The following EIF3H variants were observed in gnomAD, a reference collection of about 807,000 sequenced individuals.
The protein encoded by EIF3H is eukaryotic translation initiation factor 3 subunit H.
A neutral mutation model predicts 44.2 loss-of-function variants in EIF3H; 26 were observed. The observed-to-expected ratio is 0.59, with a 90% CI of 0.43 to 0.82. EIF3H has a LOEUF of 0.82. Ranked by LOEUF, EIF3H falls within the 40% of genes least tolerant of loss-of-function variation. EIF3H has a pLI of 0.00. For synonymous variants in EIF3H, 166 were observed against 151.9 expected (o/e 1.09, Z -0.68); for missense variants, 359 against 432.8 (o/e 0.83, Z 1.51).
chr8:116,702,534 T>C (rs1329591027), intron 2 of EIF3H, among the ~76,000 whole-genome samples: 2 of 152,196 alleles, frequency 1.3e-5, no homozygotes, highest in Non-Finnish European at 2.9e-5. Flanking sequence ...AAGCTTCACA[T>C]ACTCCCTGAA....
chr8:116,738,047 A>T (rs1216425984), intron 1 of EIF3H, among the ~76,000 whole-genome samples: 1 of 152,030 alleles, frequency 6.6e-6, no homozygotes, highest in East Asian at 1.9e-4. Flanking sequence ...AAAAAAAAAA[A>T]AAAAAAGAAT....
chr8:116,756,066 G>T, upstream of EIF3H: 1 of 1,431,854 alleles, frequency 7.0e-7, no homozygotes, highest in Non-Finnish European at 9.5e-7. Context: ...TCACCACTAG[G>T]CAAACCGTCA....
intron 7 of EIF3H, among the ~76,000 whole-genome samples, chr8:116,645,534 G>C (rs1195879706): frequency 6.6e-6 from 1 of 152,200 alleles, no homozygotes; most frequent in African/African-American, 2.4e-5. Context: ...TGTGCTTTGG[G>C]AACGTTAAGG....
At chr8:116,675,099 T>G (rs556088236) in intron 2 of EIF3H, among the ~76,000 whole-genome samples, 1 of 137,006 alleles carries the variant, frequency 7.3e-6, no homozygotes, top group Non-Finnish European at 1.5e-5. Flanking sequence ...CTTTATTGAT[T>G]TATAAAAAAA....
At chr8:116,753,890 G>C (rs1265740092) in intron 1 of EIF3H, among the ~76,000 whole-genome samples, 1 of 152,208 alleles carries the variant, frequency 6.6e-6, no homozygotes, top group Non-Finnish European at 1.5e-5. Context: ...GTGATTCAAA[G>C]AGTGCTGTTG....
At chr8:116,756,928 G>T (rs181800036), upstream of EIF3H, among the ~76,000 whole-genome samples, 4 of 152,264 alleles carry the variant, frequency 2.6e-5, no homozygotes, top group Admixed American at 1.3e-4. Flanking sequence ...AGAAAATCTC[G>T]CATGGAAGAA....
At position 116,706,659 on chromosome 8, in the gene EIF3H, C is replaced by T. The variant is rs573972167; in HGVS notation, c.289+19357G>A. 6.6e-5 allele frequency among the ~76,000 whole-genome samples: 10 copies of T among 152,256 alleles called. No homozygotes were observed. In the East Asian group the frequency reaches 1.9e-3, roughly 29 times the overall value. ...AAGAGATTCTTGTGCCTCAGCCTCACGAGTAGCTGAGACTACAGGCGAATG... is the reference window on the plus strand; with the variant it reads ...AAGAGATTCTTGTGCCTCAGCCTCATGAGTAGCTGAGACTACAGGCGAATG... On this transcript the variant is annotated intron_variant, in intron 2 of 7. Coordinates refer to ENST00000521861, the MANE Select transcript of EIF3H (RefSeq NM_003756.3).
intron 1 of EIF3H, among the ~76,000 whole-genome samples, chr8:116,764,037 T>C (rs1815544143): frequency 6.6e-6 from 1 of 152,090 alleles, no homozygotes; most frequent in South Asian, 2.1e-4. Context: ...AACAGCATAA[T>C]ATTATAAAAC....
At chr8:116,719,804 G>A (rs370768294) in intron 2 of EIF3H, among the ~76,000 whole-genome samples, 30 of 152,000 alleles carry the variant, frequency 2.0e-4, no homozygotes, top group Admixed American at 6.6e-4. Context: ...TGACAATTCC[G>A]ATTAATTTCT....
intron 2 of EIF3H, among the ~76,000 whole-genome samples, chr8:116,660,387 T>C (rs1813566114): frequency 6.6e-6 from 1 of 152,180 alleles, no homozygotes; most frequent in Non-Finnish European, 1.5e-5. Flanking sequence ...AAAAGAGTGT[T>C]CCTCAGATGG....
At chr8:116,724,330 A>G (rs1348086378) in intron 2 of EIF3H, among the ~76,000 whole-genome samples, 5 of 152,186 alleles carry the variant, frequency 3.3e-5, no homozygotes, top group Admixed American at 6.5e-5. Flanking sequence ...AGACCTAAAC[A>G]TAAGACCTGA....
chr8:116,643,888 G>A lies in EIF3H; in HGVS notation c.*1118C>T, dbSNP rs1041442896. Reference sequence around the variant, plus strand: ...CACTGATTTTGGTGATGCACAAACAGCAAAATCTGTGATTATCTTTAAAAT... The same window carrying A: ...CACTGATTTTGGTGATGCACAAACAACAAAATCTGTGATTATCTTTAAAAT... On this transcript the variant is annotated 3_prime_UTR_variant, in exon 8 of 8. Coordinates refer to ENST00000521861, the MANE Select transcript of EIF3H (RefSeq NM_003756.3). 1 of 152,164 alleles carries A rather than the reference G, an allele frequency of 6.6e-6. No individual in the cohort carries two copies. The highest frequency in any genetic ancestry group is 1.5e-5 in the Non-Finnish European group (1 of 68,024). The allele number at this position is 152,164 out of a possible 1,614,324, so 9.4% of individuals were successfully genotyped here. A position where few individuals can be genotyped will look rare whatever the true frequency, so the allele number is the denominator to read the frequency against.
At chr8:116,673,941 G>A (rs1813799308) in intron 2 of EIF3H, among the ~76,000 whole-genome samples, 1 of 151,522 alleles carries the variant, frequency 6.6e-6, no homozygotes, top group Non-Finnish European at 1.5e-5. Flanking sequence ...GTGGTGGTGG[G>A]CGCCTGTAGT....
intron 2 of EIF3H, among the ~76,000 whole-genome samples, chr8:116,668,046 C>T (rs1314413414): frequency 6.6e-6 from 1 of 152,214 alleles, no homozygotes; most frequent in Non-Finnish European, 1.5e-5. Context: ...AACTCTACTA[C>T]TTCCATATTT....
At chr8:116,729,025 GAACA>G (rs1181695785) in intron 1 of EIF3H, among the ~76,000 whole-genome samples, 2 of 152,106 alleles carry the variant, frequency 1.3e-5, no homozygotes, top group African/African-American at 4.8e-5. Context: ...TTAAAAAATA[GAACA>G]AATACAGGTG....
intron 2 of EIF3H, among the ~76,000 whole-genome samples, chr8:116,687,933 T>G (rs757681599): frequency 6.6e-6 from 1 of 152,150 alleles, no homozygotes; most frequent in Non-Finnish European, 1.5e-5. Flanking sequence ...AATAAAGTAC[T>G]TTAGAAGGTC....
intron 2 of EIF3H, among the ~76,000 whole-genome samples, chr8:116,708,167 A>C (rs1014629097): frequency 6.6e-6 from 1 of 152,124 alleles, no homozygotes; most frequent in African/African-American, 2.4e-5. Context: ...TTTAAGTTAC[A>C]CCGGAATTTG....
intron 2 of EIF3H, among the ~76,000 whole-genome samples, chr8:116,669,876 T>C (rs1030919617): frequency 4.0e-5 from 6 of 151,384 alleles, no homozygotes; most frequent in African/African-American, 1.5e-4. Flanking sequence ...CCATCCTTTC[T>C]TGTCCTCACT....
intron 1 of EIF3H, among the ~76,000 whole-genome samples, chr8:116,732,694 C>T (rs1448511712): frequency 6.6e-6 from 1 of 152,156 alleles, no homozygotes. Context: ...TAGATATTTA[C>T]TGAGTGACTT....
Sources: allele counts gnomAD v4.1 joint callset (sites outside exome capture counted in the v4.1 genomes callset), GRCh38; gene constraint gnomAD v4.1.1; transcripts MANE v1.5; gene names NCBI Gene and HGNC (gene_info 2026-07-23, HGNC 2026-07-21).